The following CSNK1D variants were observed in gnomAD, a reference collection of about 807,000 sequenced individuals.
The protein encoded by CSNK1D is casein kinase 1 delta, also known as casein kinase I isoform delta.
CSNK1D carries 16 observed loss-of-function variants against 46.6 expected under a neutral mutation model. The observed-to-expected ratio is 0.34, with a 90% CI of 0.23 to 0.52. The LOEUF (loss-of-function observed/expected upper bound fraction) is 0.52. Among genes scored for constraint, CSNK1D ranks in the 20% least tolerant of loss-of-function variants. The pLI, the probability that CSNK1D is intolerant of heterozygous loss-of-function variation, is 0.95. For synonymous variants in CSNK1D, 276 were observed against 228.2 expected (o/e 1.21, Z -1.89); for missense variants, 398 against 578.4 (o/e 0.69, Z 3.20).
In CSNK1D at chr17:82,273,440, G is replaced by T; in HGVS notation, c.-59C>A. The T allele has an allele frequency of 6.3e-7, 1 of 1,595,052 alleles. No individual in the cohort carries two copies. The highest frequency in any genetic ancestry group is 8.5e-7 in the Non-Finnish European group (1 of 1,171,256). Reference sequence around the variant, plus strand: ...GGCCGCTTCCTGGGTCTGAACTCTGGGAGGCGGCGCCGCTGCTGCCGCTAC... The same window carrying T: ...GGCCGCTTCCTGGGTCTGAACTCTGTGAGGCGGCGCCGCTGCTGCCGCTAC... On this transcript the variant is annotated 5_prime_UTR_variant, in exon 1 of 9. Transcript: ENST00000314028. This position sits in a 1 kb window ranked among gnomAD's most constrained non-coding sequence, Gnocchi z 5.1.
chr17:82,246,000 C>CG, intron 8 of CSNK1D: 2 of 1,609,604 alleles, frequency 1.2e-6, no homozygotes, highest in Non-Finnish European at 1.7e-6. Context: ...CGATGGGAGA[C>CG]GAGCAGCTAC....
chr17:82,246,410 C>G (rs977884042), intron 8 of CSNK1D: 1 of 1,212,732 alleles, frequency 8.2e-7, no homozygotes, highest in Non-Finnish European at 1.0e-6. Context: ...CTCGCCGGTA[C>G]GACGACAGGG....
chr17:82,246,050 G>A (rs1275125946), intron 8 of CSNK1D: 19 of 1,607,126 alleles, frequency 1.2e-5, no homozygotes, highest in Non-Finnish European at 1.4e-5. Context: ...CTGAGGTGGG[G>A]AAAAGACAGC....
At chr17:82,267,584 G>A (rs1205118098) in intron 1 of CSNK1D, among the ~76,000 whole-genome samples, 4 of 152,198 alleles carry the variant, frequency 2.6e-5, no homozygotes, top group Admixed American at 6.5e-5. Context: ...GAGTACTCGA[G>A]GTAACAAATT....
At chr17:82,258,847 T>C in intron 2 of CSNK1D, among the ~76,000 whole-genome samples, 1 of 152,342 alleles carries the variant, frequency 6.6e-6, no homozygotes, top group Middle Eastern at 3.4e-3. Flanking sequence ...TTCTAGGCTG[T>C]CCTCCTTCTA....
rs765675193 is a variant in CSNK1D at position 82,251,535 on chromosome 17, A to G, written c.737-8T>C. ...GGTATGTGGCAAATTCGGCTACAAA[A>G]CAAGAAACTCAAAGCTAACTCATGA... On this transcript the variant is annotated splice_polypyrimidine_tract_variant and splice_region_variant and intron_variant, in intron 5 of 8. Coordinates refer to ENST00000314028, the MANE Select transcript of CSNK1D (RefSeq NM_001893.6). The surrounding 1 kb of genome is among the most constrained non-coding windows in gnomAD (Gnocchi z 4.5). 3 of 1,613,746 alleles carry G rather than the reference A, an allele frequency of 1.9e-6. No individual in the cohort carries two copies. The highest frequency in any genetic ancestry group is 1.7e-6 in the Non-Finnish European group (2 of 1,179,956).
At position 82,255,077 on chromosome 17, in the gene CSNK1D, A is replaced by T. The variant is rs2051140872; in HGVS notation, c.336+352T>A. Reference sequence around the variant, plus strand: ...TGAGCTGAGCCGCCGGAGCCTCGAGAAGCCAGTGAGCTGGGCCGCCGGAGC... The same window carrying T: ...TGAGCTGAGCCGCCGGAGCCTCGAGTAGCCAGTGAGCTGGGCCGCCGGAGC... On this transcript the variant is annotated intron_variant, in intron 3 of 8. Coordinates refer to ENST00000314028, the MANE Select transcript of CSNK1D (RefSeq NM_001893.6). The surrounding 1 kb of genome is among the most constrained non-coding windows in gnomAD (Gnocchi z 5.9). 1 of 366,238 alleles carries T rather than the reference A, an allele frequency of 2.7e-6. No homozygotes were observed. Among genetic ancestry groups the T allele is most frequent in the South Asian group, 2.1e-5 (1 of 46,986 alleles). 22.7% of individuals were successfully genotyped at this position (366,238 alleles called of 1,614,324 possible). A position where few individuals can be genotyped will look rare whatever the true frequency, so the allele number is the denominator to read the frequency against.
rs1455955040 is a variant in CSNK1D at position 82,249,418 on chromosome 17, G to A, written c.1057+13C>T. 1.3e-6 allele frequency: 2 copies of A among 1,533,396 alleles called. No homozygotes were observed. The highest frequency in any genetic ancestry group is 1.7e-6 in the Non-Finnish European group (2 of 1,144,184). The allele number at this position is 1,533,396 out of a possible 1,614,324, so 95.0% of individuals were successfully genotyped here. ...CAGAGCCAGCCCCAGAGCGCTGGGA[G>A]GGGGGCACTCACCCGTGTGTGAGGT... On this transcript the variant is annotated intron_variant, in intron 7 of 8. Transcript: ENST00000314028. This position sits in a 1 kb window ranked among gnomAD's most constrained non-coding sequence, Gnocchi z 6.7.
At position 82,249,026 on chromosome 17, in the gene CSNK1D, G is replaced by T; in HGVS notation, c.1058-12C>A. 1 of 1,552,640 alleles carries T rather than the reference G, an allele frequency of 6.4e-7. No individual in the cohort carries two copies. The highest frequency in any genetic ancestry group is 8.7e-7 in the Non-Finnish European group (1 of 1,147,594). On this transcript the variant is annotated splice_polypyrimidine_tract_variant and intron_variant, in intron 7 of 8. Transcript: ENST00000314028. This position sits in a 1 kb window ranked among gnomAD's most constrained non-coding sequence, Gnocchi z 6.7. ...GGGGGAGGTGTTAGCTGAGGACAGG[G>T]AGAGAAACGGAGTGGGCCGCCCCCG...
rs2051452127 is a variant in CSNK1D at position 82,265,761 on chromosome 17, T to G, written c.112A>C (p.Lys38Gln). Reference protein sequence around the residue: ...DIAAGEEVAIKLECVKTKHPQ... With the variant: ...DIAAGEEVAIQLECVKTKHPQ... ...TGTTTGGTTTTGACACATTCAAGCT[T>G]GATGGCAACCTCTTCTCCTGCAGCA... Residue 38 changes from lysine (K) to glutamine (Q), a missense_variant, in exon 2 of 9, where the codon AAG (lysine) becomes CAG (glutamine). This residue lies in a region of CSNK1D where 217 missense variants were observed against 370.3 expected (regional missense o/e 0.59). Transcript: ENST00000314028. The G allele has an allele frequency of 6.2e-7, 1 of 1,614,050 alleles. No individual in the cohort carries two copies. The highest frequency in any genetic ancestry group is 1.3e-5 in the African/African-American group (1 of 74,918).
At chr17:82,260,049 T>C (rs1331754737) in intron 2 of CSNK1D, among the ~76,000 whole-genome samples, 1 of 145,896 alleles carries the variant, frequency 6.9e-6, no homozygotes, top group Non-Finnish European at 1.5e-5. Context: ...ATGTGACTGA[T>C]GGTGTACTGA....
At chr17:82,266,534 T>TA (rs1343945688) in intron 1 of CSNK1D, among the ~76,000 whole-genome samples, 1 of 152,216 alleles carries the variant, frequency 6.6e-6, no homozygotes, top group African/African-American at 2.4e-5. Context: ...TTACACTTTT[T>TA]ATCTAGAAAT....
chr17:82,270,345 T>C (rs1295051400), intron 1 of CSNK1D, among the ~76,000 whole-genome samples: 1 of 152,218 alleles, frequency 6.6e-6, no homozygotes, highest in South Asian at 2.1e-4. Flanking sequence ...CCTTCCCCCC[T>C]TCCTGGTCTC....
intron 8 of CSNK1D, chr17:82,246,556 C>A: frequency 9.6e-7 from 1 of 1,041,454 alleles, no homozygotes; most frequent in South Asian, 3.3e-5. Flanking sequence ...GCTACTGTAG[C>A]CAAAGAGCCC....
In CSNK1D at chr17:82,252,053, G is replaced by A. The variant is rs900358739; in HGVS notation, c.736+381C>T. Among the ~76,000 whole-genome samples the A allele has an allele frequency of 7.9e-5, 12 of 152,138 alleles. No individual in the cohort carries two copies. Among genetic ancestry groups the A allele is most frequent in the African/African-American group, 2.9e-4 (12 of 41,432 alleles). On this transcript the variant is annotated intron_variant, in intron 5 of 8. Coordinates refer to ENST00000314028, the MANE Select transcript of CSNK1D (RefSeq NM_001893.6). The surrounding 1 kb of genome is among the most constrained non-coding windows in gnomAD (Gnocchi z 4.6). Reference sequence around the variant, plus strand: ...TTTCATTTGAGGTGTGTATCCTGGGGCAATCCTACAAATGCAAAGGAAATC... The same window carrying A: ...TTTCATTTGAGGTGTGTATCCTGGGACAATCCTACAAATGCAAAGGAAATC...
chr17:82,239,161 GA>G, downstream of CSNK1D: 1 of 576,824 alleles, frequency 1.7e-6, no homozygotes, highest in Non-Finnish European at 2.9e-6. Flanking sequence ...TGTCATTCCA[GA>G]GTGGATCTGC....
In CSNK1D at chr17:82,248,171, G is replaced by A. The variant is rs1401013421; in HGVS notation, c.1197+704C>T. 1.5e-5 allele frequency: 15 copies of A among 985,372 alleles called. No homozygotes were observed. The highest frequency in any genetic ancestry group is 1.7e-5 in the Non-Finnish European group (14 of 829,982). The allele number at this position is 985,372 out of a possible 1,614,324, so 61.0% of individuals were successfully genotyped here. ...CCCCACTAACCCTGCCCCTGTTGGC[G>A]AACAACCCAGAAAACTATTTGAAGA... On this transcript the variant is annotated intron_variant, in intron 8 of 8. Coordinates refer to ENST00000314028, the MANE Select transcript of CSNK1D (RefSeq NM_001893.6). This position sits in a 1 kb window ranked among gnomAD's most constrained non-coding sequence, Gnocchi z 4.1.
At position 82,248,052 on chromosome 17, in the gene CSNK1D, C is replaced by A. The variant is rs2050895892; in HGVS notation, c.1197+823G>T. 2 of 985,490 alleles carry A rather than the reference C, an allele frequency of 2.0e-6. No homozygotes were observed. The highest frequency in any genetic ancestry group is 2.4e-6 in the Non-Finnish European group (2 of 829,954). 61.0% of individuals were successfully genotyped at this position (985,490 alleles called of 1,614,324 possible). On this transcript the variant is annotated intron_variant, in intron 8 of 8. Transcript: ENST00000314028. This position sits in a 1 kb window ranked among gnomAD's most constrained non-coding sequence, Gnocchi z 4.1. ...ACCTCCCCACAAGCCCAGAGCCAGG[C>A]TCCAGGGCATTTCTGAACTGAGTTC...
rs544594470 is a variant in CSNK1D, at chr17:82,247,918, C to T, written c.1197+957G>A. The stretch of plus-strand genomic sequence containing the variant: ...CAGTAAAACCCCAATCATTAAAAGA[C>T]GGCAAGTGGTCAAGAGTGCTCCCCA... On this transcript the variant is annotated intron_variant, in intron 8 of 8. Coordinates refer to ENST00000314028, the MANE Select transcript of CSNK1D (RefSeq NM_001893.6). The T allele has an allele frequency of 1.7e-5, 17 of 985,462 alleles. No individual in the cohort carries two copies. In the South Asian group the frequency reaches 1.9e-4, roughly 11 times the overall value. The allele number at this position is 985,462 out of a possible 1,614,324, so 61.0% of individuals were successfully genotyped here.
Sources: allele counts gnomAD v4.1 joint callset (sites outside exome capture counted in the v4.1 genomes callset), GRCh38; gene constraint gnomAD v4.1.1; regional missense constraint gnomAD v4.1.1; non-coding constraint Gnocchi (gnomAD v3.1); transcripts MANE v1.5; gene names NCBI Gene and HGNC (gene_info 2026-07-23, HGNC 2026-07-21).